Variants in RTKN observed in about 807,000 individuals in gnomAD.
RTKN encodes rhotekin.
A neutral mutation model predicts 63.5 loss-of-function variants in RTKN; 49 were observed. The ratio of observed to expected loss-of-function variants is 0.77; its 90% CI spans 0.61 to 0.98. RTKN has a LOEUF of 0.98. Among genes scored for constraint, RTKN ranks in the 50% least tolerant of loss-of-function variants. The probability of loss-of-function intolerance (pLI) is 0.00; values close to 1 mark genes in which losing one functional copy is unlikely to be tolerated. For missense variants in RTKN, 685 were observed against 740.8 expected (o/e 0.92, Z 0.87); for synonymous variants, 295 against 290.4 (o/e 1.02, Z -0.16).
chr2:74,426,304 G>A lies in RTKN; in HGVS notation c.1631C>T (p.Pro544Leu), dbSNP rs2103868010. 1.2e-6 allele frequency: 2 copies of A among 1,614,000 alleles called. No homozygotes were observed. The highest frequency in any genetic ancestry group is 2.2e-5 in the East Asian group (1 of 44,880). ...SVAPLPPQRSPRTRGLCSKGQ... is the reference protein window; with the variant it reads ...SVAPLPPQRSLRTRGLCSKGQ... Reference sequence around the variant, plus strand: ...TTTGCTGCAGAGGCCTCTGGTCCGTGGGGATCGCTGAGGTGGGAGGGGGGC... The same window carrying A: ...TTTGCTGCAGAGGCCTCTGGTCCGTAGGGATCGCTGAGGTGGGAGGGGGGC... The change falls in exon 12 of 12, where the codon CCA (proline) becomes CTA (leucine). Residue 544 changes from proline to leucine, a missense_variant. Coordinates refer to ENST00000272430, the MANE Select transcript of RTKN (RefSeq NM_001015055.2).
At chr2:74,429,427 T>C (rs1401303704) in intron 6 of RTKN, among the ~76,000 whole-genome samples, 2 of 152,170 alleles carry the variant, frequency 1.3e-5, no homozygotes, top group South Asian at 2.1e-4. Context: ...TCTATCCACA[T>C]AAAATGTATT....
At position 74,427,032 on chromosome 2, in the gene RTKN, T is replaced by C. The variant is rs1433159327; in HGVS notation, c.1360+137A>G. ...GGAGAGGAGAAAAGAACACACAAGA[T>C]TGGGTGAGACTTGGGTCCCCAGAGA... is the stretch of plus-strand genomic sequence containing the variant. On this transcript the variant is annotated intron_variant, in intron 11 of 11. Coordinates refer to ENST00000272430, the MANE Select transcript of RTKN (RefSeq NM_001015055.2). 1.5e-5 allele frequency: 22 copies of C among 1,453,610 alleles called. No homozygotes were observed. In the African/African-American group the frequency reaches 1.6e-4, roughly 10 times the overall value. 90.0% of individuals were successfully genotyped at this position (1,453,610 alleles called of 1,614,324 possible).
chr2:74,437,221 G>A (rs1408430101), intron 1 of RTKN, among the ~76,000 whole-genome samples: 7 of 152,164 alleles, frequency 4.6e-5, no homozygotes, highest in Admixed American at 3.9e-4. Context: ...AGCATTGTTT[G>A]AGAATTATAT....
In RTKN at chr2:74,436,298, G is replaced by A. The variant is rs934656921; in HGVS notation, c.112-3632C>T. On this transcript the variant is annotated intron_variant, in intron 1 of 11. Transcript: ENST00000272430. The surrounding 1 kb of genome is among the most constrained non-coding windows in gnomAD (Gnocchi z 4.3). Reference sequence around the variant, plus strand: ...CTGGGTCCGAGGGCCGCGGGAAATCGGAGGAGCCAGGGCGCCAGCATAGCT... The same window carrying A: ...CTGGGTCCGAGGGCCGCGGGAAATCAGAGGAGCCAGGGCGCCAGCATAGCT... 5.3e-5 allele frequency among the ~76,000 whole-genome samples: 8 copies of A among 152,230 alleles called. No homozygotes were observed. Among genetic ancestry groups the A allele is most frequent in the Non-Finnish European group, 1.0e-4 (7 of 68,020 alleles).
chr2:74,430,028 C>T lies in RTKN; in HGVS notation c.555G>A (p.Ala185=), dbSNP rs540719456. 1.3e-4 allele frequency: 216 copies of T among 1,614,180 alleles called. 1 individual carries two copies. The South Asian group carries it at 1.9e-3, about 14-fold the overall frequency. The change falls in exon 6 of 12, where the codon GCG becomes GCA. Residue 185 remains alanine, a synonymous_variant. Transcript: ENST00000272430. ...SFQSNVLFAE[A]GPDFELRLEL... ...CTAACCGCAGTTCAAAGTCTGGCCC[C>T]GCCTCAGCGCTGGTGGGAGGAAGAA...
At chr2:74,431,190 A>C (rs1263965130) in intron 2 of RTKN, among the ~76,000 whole-genome samples, 2 of 152,066 alleles carry the variant, frequency 1.3e-5, no homozygotes, top group Non-Finnish European at 2.9e-5. Flanking sequence ...AATCACCAAT[A>C]GGGAAGAGTT....
intron 1 of RTKN, among the ~76,000 whole-genome samples, chr2:74,434,119 T>C (rs977101535): frequency 1.3e-5 from 2 of 152,004 alleles, no homozygotes; most frequent in African/African-American, 4.8e-5. Context: ...TTTTTTTTTT[T>C]TGAGACCGAG....
chr2:74,432,711 G>A, intron 1 of RTKN, 45 bp from the exon 2 acceptor site: 1 of 1,585,572 alleles, frequency 6.3e-7, no homozygotes, highest in Non-Finnish European at 8.7e-7. Context: ...GTCAGTCAGT[G>A]GACAGGCTAA....
chr2:74,433,844 T>C (rs951984369), intron 1 of RTKN, among the ~76,000 whole-genome samples: 16 of 152,020 alleles, frequency 1.1e-4, no homozygotes, highest in Non-Finnish European at 2.1e-4. Flanking sequence ...CAGTAGGACA[T>C]TGGTTAAATA....
chr2:74,433,195 A>G (rs975820045), intron 1 of RTKN, among the ~76,000 whole-genome samples: 4 of 151,082 alleles, frequency 2.6e-5, no homozygotes, highest in African/African-American at 9.7e-5. Flanking sequence ...GTGAGCCGAG[A>G]CTGCACCACT....
rs187668061 is a variant in RTKN at position 74,430,979 on chromosome 2, A to G, written c.312-302T>C. ...CCAGATCCCTGCCAAGGACAGGTGC[A>G]GCCTTGAGGGGACAGGTGCCCACAG... On this transcript the variant is annotated intron_variant, in intron 2 of 11. Transcript: ENST00000272430. 194 of 383,058 alleles carry G rather than the reference A, an allele frequency of 5.1e-4. 1 individual carries two copies. The highest frequency in any genetic ancestry group is 3.1e-3 in the African/African-American group (155 of 50,072). The allele number at this position is 383,058 out of a possible 1,614,324, so 23.7% of individuals were successfully genotyped here.
chr2:74,432,436 T>G, intron 2 of RTKN, 31 bp downstream of exon 2: 1 of 1,596,754 alleles, frequency 6.3e-7, no homozygotes, highest in Non-Finnish European at 8.5e-7. Context: ...GCCTCCTGCC[T>G]CCATCGAGGC....
chr2:74,427,384 G>A (rs765892807), intron 10 of RTKN, 40 bp downstream of exon 10: 10 of 1,610,604 alleles, frequency 6.2e-6, no homozygotes, highest in Non-Finnish European at 3.4e-6. Context: ...ACAAACTCCA[G>A]TTCTTCCCAA....
In RTKN at chr2:74,427,626, A is replaced by C. The variant is rs1295342119; in HGVS notation, c.1087-34T>G. On this transcript the variant is annotated intron_variant, in intron 9 of 11. Transcript: ENST00000272430. ...GAAAGAAGAGGTCTACCTTGGTCAC[A>C]GAAGTTGGCAGTGACAATCAGGCAG... 1.9e-6 allele frequency: 3 copies of C among 1,594,758 alleles called. No individual in the cohort carries two copies. In the East Asian group the frequency reaches 6.7e-5, roughly 36 times the overall value.
intron 1 of RTKN, among the ~76,000 whole-genome samples, chr2:74,437,126 T>C (rs956651177): frequency 2.6e-5 from 4 of 152,236 alleles, no homozygotes; most frequent in African/African-American, 9.6e-5. Flanking sequence ...TAAGTACAAA[T>C]CCTGGTTTAG....
intron 9 of RTKN, 118 bp downstream of exon 9, chr2:74,428,150 G>A: frequency 7.4e-7 from 1 of 1,354,472 alleles, no homozygotes; most frequent in Non-Finnish European, 1.0e-6. Context: ...ATGTGGCACT[G>A]TCAGGAGCAG....
chr2:74,437,628 C>T (rs1290973575), intron 1 of RTKN, among the ~76,000 whole-genome samples: 1 of 152,224 alleles, frequency 6.6e-6, no homozygotes, highest in Non-Finnish European at 1.5e-5. Context: ...CCATCTAGCA[C>T]TTGAAATATG....
chr2:74,430,447 A>G lies in RTKN; in HGVS notation c.427+18T>C. Reference sequence around the variant, plus strand: ...AGGGTCATTCCCCTGAATTTGTCCCAGGGTGTGTGGAACTCACCACCTTTG... The same window carrying G: ...AGGGTCATTCCCCTGAATTTGTCCCGGGGTGTGTGGAACTCACCACCTTTG... On this transcript the variant is annotated intron_variant, in intron 4 of 11. Coordinates refer to ENST00000272430, the MANE Select transcript of RTKN (RefSeq NM_001015055.2). 2 of 1,613,956 alleles carry G rather than the reference A, an allele frequency of 1.2e-6. No individual in the cohort carries two copies. The highest frequency in any genetic ancestry group is 8.5e-7 in the Non-Finnish European group (1 of 1,179,778).
In RTKN at chr2:74,432,541, G is replaced by A. The variant is rs368154180; in HGVS notation, c.237C>T (p.Asn79=). Reference sequence around the variant, plus strand: ...CGCCCATGTAGCTGAGGATGCGGCTGTTGCACACTAGCAGGCTCTTGGTGG... The same window carrying A: ...CGCCCATGTAGCTGAGGATGCGGCTATTGCACACTAGCAGGCTCTTGGTGG... The part of the protein sequence containing the change: ...LEATKSLLVC[N]SRILSYMGEL... The change falls in exon 2 of 12, where the codon AAC becomes AAT. Residue 79 remains asparagine (N), a synonymous_variant. Transcript: ENST00000272430. 3.4e-5 allele frequency: 55 copies of A among 1,613,926 alleles called. No homozygotes were observed. Among genetic ancestry groups the A allele is most frequent in the Non-Finnish European group, 4.7e-5 (55 of 1,180,050 alleles).
Sources: gnomAD v4.1 joint callset for allele counts (sites outside exome capture counted in the v4.1 genomes callset) on GRCh38, gnomAD v4.1.1 for gene constraint, Gnocchi (gnomAD v3.1) non-coding constraint, MANE v1.5 for transcripts, NCBI Gene and HGNC (gene_info 2026-07-23, HGNC 2026-07-21) for gene names.